DNAJC2: variants seen among roughly 807,000 people sequenced by gnomAD.
The protein encoded by DNAJC2 is dnaJ homolog subfamily C member 2.
Under a neutral mutation model 94.0 loss-of-function variants are expected in DNAJC2, and 32 were observed. That is an observed-to-expected ratio of 0.34 (90% CI 0.26 to 0.46). The LOEUF (loss-of-function observed/expected upper bound fraction) is 0.46. Among genes scored for constraint, DNAJC2 ranks in the 20% least tolerant of loss-of-function variants. The pLI is 1.00. For missense variants in DNAJC2, 550 were observed against 719.5 expected (o/e 0.76, Z 2.69); for synonymous variants, 210 against 229.7 (o/e 0.91, Z 0.77).
intron 4 of DNAJC2, 184 bp downstream of exon 4, chr7:103,327,472 G>A (rs1311596881): frequency 2.9e-6 from 2 of 697,346 alleles, no homozygotes; most frequent in African/African-American, 3.6e-5. Context: ...CTGCTGGCTG[G>A]GGACACCTCA....
intron 12 of DNAJC2, among the ~76,000 whole-genome samples, chr7:103,318,739 T>C (rs1324913386): frequency 6.6e-6 from 1 of 152,176 alleles, no homozygotes; most frequent in Non-Finnish European, 1.5e-5. Context: ...AGAACAAAGA[T>C]CTCTTTTGGT....
At chr7:103,316,333 T>A (rs1818053508) in intron 13 of DNAJC2, 1 of 322,304 alleles carries the variant, frequency 3.1e-6, no homozygotes, top group African/African-American at 2.1e-5. Flanking sequence ...GGTGTACAAA[T>A]CAACATAAAT....
chr7:103,315,291 C>T (rs1817986464), intron 15 of DNAJC2, among the ~76,000 whole-genome samples: 1 of 151,978 alleles, frequency 6.6e-6, no homozygotes, highest in African/African-American at 2.4e-5. Flanking sequence ...CCTACATTCC[C>T]CAAATGTGAA....
chr7:103,320,792 CTGT>C (rs1563459971), intron 10 of DNAJC2: 1 of 161,994 alleles, frequency 6.2e-6, no homozygotes, highest in African/African-American at 2.7e-5. Context: ...TATTCTGAAA[CTGT>C]GTCTATATTC....
chr7:103,318,155 A>G (rs1267576362), intron 12 of DNAJC2, among the ~76,000 whole-genome samples: 1 of 151,562 alleles, frequency 6.6e-6, no homozygotes, highest in African/African-American at 2.4e-5. Flanking sequence ...CCATTTCCCC[A>G]TAACATTTTT....
chr7:103,315,664 T>C (rs1818007130), intron 15 of DNAJC2, 100 bp downstream of exon 15: 4 of 710,304 alleles, frequency 5.6e-6, no homozygotes, highest in Non-Finnish European at 9.3e-6. Context: ...GCTAAACATT[T>C]TATTTCCCTA....
intron 1 of DNAJC2, among the ~76,000 whole-genome samples, chr7:103,342,247 T>C (rs1325822025): frequency 1.3e-5 from 2 of 151,872 alleles, no homozygotes; most frequent in Admixed American, 6.6e-5. Flanking sequence ...ATGAGTAAGG[T>C]GAGGAACAGG....
intron 1 of DNAJC2, among the ~76,000 whole-genome samples, chr7:103,343,221 G>C (rs1239822599): frequency 6.6e-6 from 1 of 151,642 alleles, no homozygotes; most frequent in African/African-American, 2.4e-5. Context: ...GGCTGGTCTC[G>C]AACTGCTGAC....
chr7:103,319,492 A>G, intron 12 of DNAJC2, 117 bp downstream of exon 12: 2 of 1,017,458 alleles, frequency 2.0e-6, no homozygotes, highest in South Asian at 3.0e-5. Context: ...AACAGTGGGA[A>G]ACATAAAGAG....
intron 5 of DNAJC2, among the ~76,000 whole-genome samples, chr7:103,326,145 A>ATTTTTTTTTTTTTTTTTTTTTT (rs1818693301): frequency 6.6e-6 from 1 of 151,878 alleles, no homozygotes; most frequent in African/African-American, 2.4e-5. Context: ...CGGCCAGCTA[A>ATTTTTTTTTTTTTTTTTTTTTT]TTTTTGTATT....
chr7:103,335,390 C>T (rs1443715105), intron 3 of DNAJC2: 1 of 152,126 alleles, frequency 6.6e-6, no homozygotes, highest in Non-Finnish European at 1.5e-5. Context: ...CAGTTTCTTT[C>T]TAAATAAAGA....
chr7:103,324,625 CAATT>C (rs1487210909), intron 5 of DNAJC2, 63 bp from the exon 6 acceptor site: 1 of 1,263,588 alleles, frequency 7.9e-7, no homozygotes, highest in Non-Finnish European at 1.1e-6. Flanking sequence ...GTTCAACAAA[CAATT>C]TAATTTATTA....
At chr7:103,318,237 C>T (rs1818182606) in intron 12 of DNAJC2, among the ~76,000 whole-genome samples, 1 of 152,056 alleles carries the variant, frequency 6.6e-6, no homozygotes, top group African/African-American at 2.4e-5. Context: ...ATGATCATAG[C>T]TCACTGCAGC....
chr7:103,336,177 C>A (rs965631329), intron 3 of DNAJC2: 1 of 152,096 alleles, frequency 6.6e-6, no homozygotes, highest in Non-Finnish European at 1.5e-5. Context: ...CAAAAAAAGA[C>A]AGTGGATTTA....
chr7:103,313,228 A>G, intron 15 of DNAJC2, 127 bp from the exon 16 acceptor site: 1 of 1,444,128 alleles, frequency 6.9e-7, no homozygotes. Flanking sequence ...ATAAACTTGT[A>G]GAGATGAGAG....
At chr7:103,341,636 A>G in intron 2 of DNAJC2, 128 bp downstream of exon 2, 1 of 750,014 alleles carries the variant, frequency 1.3e-6, no homozygotes, top group Non-Finnish European at 2.1e-6. Context: ...CTTAGTAATA[A>G]ACAGATGCTA....
intron 9 of DNAJC2, among the ~76,000 whole-genome samples, 162 bp from the exon 10 acceptor site, chr7:103,322,243 TC>T (rs1422834482): frequency 1.3e-5 from 2 of 152,160 alleles, no homozygotes; most frequent in African/African-American, 4.8e-5. Flanking sequence ...CTGGTAAAGA[TC>T]TATAAACATT....
chr7:103,325,909 A>C (rs1412418585), intron 5 of DNAJC2, among the ~76,000 whole-genome samples: 1 of 152,234 alleles, frequency 6.6e-6, no homozygotes, highest in Non-Finnish European at 1.5e-5. Context: ...CCGATTGATA[A>C]AGAGGAAATC....
At chr7:103,336,660 G>A (rs1044789770) in intron 3 of DNAJC2, 2 of 152,164 alleles carry the variant, frequency 1.3e-5, no homozygotes, top group Non-Finnish European at 2.9e-5. Context: ...CTATTCTTTC[G>A]TATAGTAAAA....
Sources: gnomAD v4.1 joint callset for allele counts (sites outside exome capture counted in the v4.1 genomes callset) on GRCh38, gnomAD v4.1.1 for gene constraint, MANE v1.5 for transcripts, NCBI Gene and HGNC (gene_info 2026-07-23, HGNC 2026-07-21) for gene names.